ZBTB16: variants seen among roughly 807,000 people sequenced by gnomAD.
ZBTB16 encodes zinc finger and BTB domain containing 16.
A neutral mutation model predicts 56.8 loss-of-function variants in ZBTB16; 8 were observed. That is an observed-to-expected ratio of 0.14 (90% CI 0.08 to 0.25). ZBTB16 has a LOEUF of 0.25. ZBTB16 is among the 10% of genes least tolerant of loss of function. ZBTB16 has a pLI of 1.00. For synonymous variants in ZBTB16, 363 were observed against 368.5 expected (o/e 0.98, Z 0.17); for missense variants, 625 against 903.0 (o/e 0.69, Z 3.95).
chr11:114,095,226 ATTTCT>A (rs1416398005), intron 2 of ZBTB16, among the ~76,000 whole-genome samples: 13 of 67,680 alleles, frequency 1.9e-4, no homozygotes, highest in African/African-American at 2.8e-4. Context: ...TATGTAACCA[ATTTCT>A]TTTCTTTTCT....
At chr11:114,212,636 C>T (rs1034557886) in intron 4 of ZBTB16, among the ~76,000 whole-genome samples, 1 of 152,192 alleles carries the variant, frequency 6.6e-6, no homozygotes, top group African/African-American at 2.4e-5. Context: ...CCTAGTGCTC[C>T]TTTGAGCATG....
At position 114,250,357 on chromosome 11, in the gene ZBTB16, C is replaced by T. The variant is rs946964022; in HGVS notation, c.1824C>T (p.His608=). The T allele has an allele frequency of 3.1e-6, 5 of 1,613,658 alleles. No individual in the cohort carries two copies. The Admixed American group carries it at 6.7e-5, about 22-fold the overall frequency. Residue 608 remains histidine (H), a synonymous_variant, in exon 7 of 7, where the codon CAC becomes CAT. Transcript: ENST00000335953. This position sits in a 1 kb window ranked among gnomAD's most constrained non-coding sequence, Gnocchi z 6.0. Reference sequence around the variant, plus strand: ...AGCCCTTTGAGTGTAAGCTCTGCCACCAGCGCTCCCGGGACTACTCGGCCA... The same window carrying T: ...AGCCCTTTGAGTGTAAGCTCTGCCATCAGCGCTCCCGGGACTACTCGGCCA... ...GEKPFECKLC[H]QRSRDYSAMI... is the part of the protein sequence containing the mutation.
chr11:114,235,052 G>T (rs532124701), intron 4 of ZBTB16, among the ~76,000 whole-genome samples: 1 of 152,004 alleles, frequency 6.6e-6, no homozygotes, highest in South Asian at 2.1e-4. Context: ...GGGGCTGGGG[G>T]TGGAGGGAGG....
chr11:114,104,037 C>G (rs1454518511), intron 2 of ZBTB16, among the ~76,000 whole-genome samples: 1 of 152,094 alleles, frequency 6.6e-6, no homozygotes, highest in African/African-American at 2.4e-5. Flanking sequence ...GCCAGGGTGC[C>G]CAGTTTGAGC....
chr11:114,185,064 C>T (rs1258263186), intron 3 of ZBTB16, among the ~76,000 whole-genome samples: 3 of 151,868 alleles, frequency 2.0e-5, no homozygotes, highest in African/African-American at 7.3e-5. Context: ...CAGAATTAGT[C>T]AGGCATGGTG....
At chr11:114,124,683 T>G (rs238891) in intron 2 of ZBTB16, among the ~76,000 whole-genome samples, 3 of 151,800 alleles carry the variant, frequency 2.0e-5, no homozygotes, top group Admixed American at 1.3e-4. Flanking sequence ...GCCATATCCC[T>G]GAAACCTGAG....
At chr11:114,137,331 G>T (rs2106234) in intron 2 of ZBTB16, among the ~76,000 whole-genome samples, 55,266 of 152,038 alleles carry the variant, frequency 0.36, 10,758 homozygotes, top group African/African-American at 0.5. Flanking sequence ...TCATACCGCT[G>T]CCCTCTCCCT....
At chr11:114,156,627 GAACCCACCTTC>G (rs2134959014) in intron 3 of ZBTB16, among the ~76,000 whole-genome samples, 193 bp downstream of exon 3, 1 of 152,296 alleles carries the variant, frequency 6.6e-6, no homozygotes, top group Non-Finnish European at 1.5e-5. Flanking sequence ...CCACTTGGAT[GAACCCACCTTC>G]AAGCTCTCGT....
At chr11:114,216,370 C>T (rs1449494371) in intron 4 of ZBTB16, among the ~76,000 whole-genome samples, 1 of 152,302 alleles carries the variant, frequency 6.6e-6, no homozygotes, top group South Asian at 2.1e-4. Context: ...GGCTGGTGGG[C>T]CATCTTCTGC....
intron 3 of ZBTB16, among the ~76,000 whole-genome samples, chr11:114,160,867 G>A (rs1348556354): frequency 1.3e-5 from 2 of 152,136 alleles, no homozygotes; most frequent in Non-Finnish European, 2.9e-5. Context: ...GGGTTTGCGT[G>A]TTGGGGAAAG....
intron 4 of ZBTB16, among the ~76,000 whole-genome samples, chr11:114,210,192 T>TGTGTGTGTGTGCGCGC (rs773801156): frequency 4.9e-5 from 7 of 143,238 alleles, no homozygotes; most frequent in African/African-American, 1.8e-4. Context: ...TGTGTGTGTG[T>TGTGTGTGTGTGCGCGC]GCGTGCGCGC....
chr11:114,137,438 G>A (rs909656949), intron 2 of ZBTB16, among the ~76,000 whole-genome samples: 15 of 152,186 alleles, frequency 9.9e-5, no homozygotes, highest in Non-Finnish European at 1.5e-4. Context: ...GGCACTTCCC[G>A]TGTCTCAGCC....
intron 3 of ZBTB16, among the ~76,000 whole-genome samples, chr11:114,177,612 G>T (rs886496175): frequency 6.6e-6 from 1 of 152,136 alleles, no homozygotes; most frequent in African/African-American, 2.4e-5. Context: ...AGTTGGCAAA[G>T]CATGTCTGGA....
rs768233748 is a variant in ZBTB16 at position 114,242,571 on chromosome 11, A to G, written c.1624+234A>G. 2.3e-4 allele frequency among the ~76,000 whole-genome samples: 35 copies of G among 152,324 alleles called. No homozygotes were observed. The Middle Eastern group carries it at 0.017, about 74-fold the overall frequency. ...GTGTTCAACACAGGATGCTCATTAA[A>G]AAGGCAGGCTCTTGGGTCCCACTCT... is the stretch of plus-strand genomic sequence containing the variant. On this transcript the variant is annotated intron_variant, in intron 5 of 6. Transcript: ENST00000335953.
intron 4 of ZBTB16, among the ~76,000 whole-genome samples, chr11:114,214,151 T>G (rs1376779388): frequency 3.3e-5 from 5 of 152,158 alleles, no homozygotes; most frequent in Admixed American, 2.6e-4. Context: ...ACACAGTATT[T>G]AGTCTCATGT....
intron 3 of ZBTB16, among the ~76,000 whole-genome samples, chr11:114,164,980 T>G (rs1290471263): frequency 6.6e-6 from 1 of 152,216 alleles, no homozygotes; most frequent in Non-Finnish European, 1.5e-5. Context: ...GTCTTCCTTC[T>G]TATGTCTTCA....
intron 2 of ZBTB16, among the ~76,000 whole-genome samples, chr11:114,123,175 T>C (rs1316457278): frequency 6.6e-6 from 1 of 152,110 alleles, no homozygotes; most frequent in Non-Finnish European, 1.5e-5. Context: ...GGGTTCTGTC[T>C]CCAAATAACA....
intron 2 of ZBTB16, among the ~76,000 whole-genome samples, chr11:114,083,042 T>C (rs1209345293): frequency 6.6e-6 from 1 of 152,194 alleles, no homozygotes; most frequent in Admixed American, 6.5e-5. Context: ...TCCTGGCCCC[T>C]GGGTAACTGC....
chr11:114,247,284 G>A lies in ZBTB16; in HGVS notation c.1711G>A (p.Glu571Lys). The part of the protein sequence containing the change: ...LKSHKRIHTG[E>K]KPYECNGCGK... Reference sequence around the variant, plus strand: ...GAGCCACAAACGCATCCACACGGGTGAGAAACCCTACGAGTGCAATGGCTG... The same window carrying A: ...GAGCCACAAACGCATCCACACGGGTAAGAAACCCTACGAGTGCAATGGCTG... The change falls in exon 6 of 7, where the codon GAG becomes AAG. Residue 571 changes from glutamate to lysine, a missense_variant. By Grantham distance (56) the Glu-to-Lys change is moderately conservative (BLOSUM62 1). Transcript: ENST00000335953. 1 of 1,614,258 alleles carries A rather than the reference G, an allele frequency of 6.2e-7. No individual in the cohort carries two copies. Among genetic ancestry groups the A allele is most frequent in the Non-Finnish European group, 8.5e-7 (1 of 1,180,044 alleles).
Sources: gnomAD v4.1 joint callset for allele counts (sites outside exome capture counted in the v4.1 genomes callset) on GRCh38, gnomAD v4.1.1 for gene constraint, Gnocchi (gnomAD v3.1) non-coding constraint, MANE v1.5 for transcripts, NCBI Gene and HGNC (gene_info 2026-07-23, HGNC 2026-07-21) for gene names.